Variants in ELAPOR2 observed in about 807,000 individuals in gnomAD.
The protein encoded by ELAPOR2 is endosome/lysosome-associated apoptosis and autophagy regulator family member 2.
In ELAPOR2, 89 loss-of-function variants were observed where a neutral mutation model predicts 120.7. The ratio of observed to expected loss-of-function variants is 0.74; its 90% CI spans 0.62 to 0.88. ELAPOR2 has a LOEUF of 0.88. Among genes scored for constraint, ELAPOR2 ranks in the 40% least tolerant of loss-of-function variants. ELAPOR2 has a pLI of 0.00. For missense variants in ELAPOR2, 1,134 were observed against 1,251.6 expected (o/e 0.91, Z 1.42); for synonymous variants, 444 against 444.9 (o/e 1.00, Z 0.03).
At chr7:86,967,732 T>C (rs747190418) in intron 1 of ELAPOR2, among the ~76,000 whole-genome samples, 16 of 152,184 alleles carry the variant, frequency 1.1e-4, no homozygotes, top group Non-Finnish European at 2.2e-4. Context: ...GGCTGTAATG[T>C]TGGATGTCAT....
rs1401034357 is a variant in ELAPOR2, at chr7:87,041,623, A to G, written c.189+17702T>C. Among the ~76,000 whole-genome samples the G allele has an allele frequency of 7.0e-3, 1,067 of 151,998 alleles. 11 individuals carry two copies. The highest frequency in any genetic ancestry group is 0.025 in the African/African-American group (1,025 of 41,280). ...GCTCCTGAAGGAAGCACTAAATATG[A>G]AAAGGAACAACTGGTACCAGCCGCT... On this transcript the variant is annotated intron_variant, in intron 1 of 21. Coordinates refer to ENST00000450689, the MANE Select transcript of ELAPOR2 (RefSeq NM_001142749.3).
intron 1 of ELAPOR2, among the ~76,000 whole-genome samples, chr7:87,018,972 G>A (rs554764041): frequency 3.9e-5 from 6 of 152,058 alleles, no homozygotes; most frequent in Non-Finnish European, 8.8e-5. Flanking sequence ...TCACCTAAGG[G>A]AGACTTGGAA....
chr7:86,888,059 T>C (rs1469681561), intron 21 of ELAPOR2, among the ~76,000 whole-genome samples: 1 of 152,032 alleles, frequency 6.6e-6, no homozygotes, highest in Non-Finnish European at 1.5e-5. Flanking sequence ...ATCTAGGAAA[T>C]TCAAATATAA....
chr7:86,911,649 G>C, intron 15 of ELAPOR2: 1 of 457,266 alleles, frequency 2.2e-6, no homozygotes, highest in Non-Finnish European at 4.4e-6. Flanking sequence ...GGCCCTGCAT[G>C]TCTCCTTTTT....
At chr7:86,903,563 ATAC>A (rs942391605) in intron 18 of ELAPOR2, among the ~76,000 whole-genome samples, 2 of 152,228 alleles carry the variant, frequency 1.3e-5, no homozygotes, top group African/African-American at 4.8e-5. Flanking sequence ...ACCAAAGAAA[ATAC>A]TACATTAGCA....
intron 1 of ELAPOR2, among the ~76,000 whole-genome samples, chr7:86,979,787 A>G (rs1792403051): frequency 6.6e-6 from 1 of 152,180 alleles, no homozygotes; most frequent in Non-Finnish European, 1.5e-5. Context: ...ACCCAATCTC[A>G]CAAACTGCCC....
intron 1 of ELAPOR2, among the ~76,000 whole-genome samples, chr7:87,039,923 C>T (rs146065871): frequency 4.0e-5 from 6 of 151,852 alleles, no homozygotes; most frequent in Admixed American, 6.6e-5. Flanking sequence ...GCACCGTGCA[C>T]GAGCCAAAGC....
intron 9 of ELAPOR2, 115 bp downstream of exon 9, chr7:86,926,621 A>C: frequency 9.2e-7 from 1 of 1,081,338 alleles, no homozygotes; most frequent in Non-Finnish European, 1.3e-6. Flanking sequence ...TTGTCTACTA[A>C]AACTAAAAGA....
chr7:86,952,366 G>A (rs73382398), intron 2 of ELAPOR2, among the ~76,000 whole-genome samples: 2,286 of 152,266 alleles, frequency 0.015, 63 homozygotes, highest in African/African-American at 0.051. Context: ...CTAGTTAACA[G>A]TTAACCAATG....
intron 12 of ELAPOR2, among the ~76,000 whole-genome samples, chr7:86,915,655 A>T (rs968821137): frequency 1.3e-5 from 2 of 150,390 alleles, no homozygotes; most frequent in African/African-American, 4.9e-5. Flanking sequence ...CTGATAGATC[A>T]CTTAGGAATT....
chr7:86,896,548 C>T (rs1788447507), intron 19 of ELAPOR2, among the ~76,000 whole-genome samples: 1 of 152,108 alleles, frequency 6.6e-6, no homozygotes, highest in Non-Finnish European at 1.5e-5. Context: ...ACTGCTTCCC[C>T]TCTCTGATTC....
intron 1 of ELAPOR2, among the ~76,000 whole-genome samples, chr7:87,012,890 C>G (rs796144284): frequency 3.4e-4 from 51 of 152,192 alleles, no homozygotes; most frequent in Middle Eastern, 3.4e-3. Flanking sequence ...ATTCTAAAAT[C>G]CAAGAAATTT....
chr7:86,890,883 T>C (rs1227981958), intron 21 of ELAPOR2, among the ~76,000 whole-genome samples: 1 of 152,076 alleles, frequency 6.6e-6, no homozygotes, highest in Non-Finnish European at 1.5e-5. Context: ...ATGGTTACTA[T>C]TACTCTTTAT....
chr7:86,977,183 GACC>G (rs1247982241), intron 1 of ELAPOR2, among the ~76,000 whole-genome samples: 3 of 152,056 alleles, frequency 2.0e-5, no homozygotes, highest in African/African-American at 7.3e-5. Flanking sequence ...TAGTGCTGTC[GACC>G]ACCTTGTAAG....
At chr7:86,980,505 C>CA (rs1490361387) in intron 1 of ELAPOR2, among the ~76,000 whole-genome samples, 1 of 152,200 alleles carries the variant, frequency 6.6e-6, no homozygotes, top group Non-Finnish European at 1.5e-5. Context: ...TCCCACTCTC[C>CA]TCATGACAAT....
At chr7:87,049,530 C>G (rs1010458778) in intron 1 of ELAPOR2, among the ~76,000 whole-genome samples, 1 of 152,170 alleles carries the variant, frequency 6.6e-6, no homozygotes, top group African/African-American at 2.4e-5. Context: ...GATCCGCCAG[C>G]CTCGGCCTCC....
intron 3 of ELAPOR2, among the ~76,000 whole-genome samples, chr7:86,946,754 C>T (rs866077734): frequency 1.4e-4 from 21 of 152,260 alleles, no homozygotes; most frequent in Middle Eastern, 6.8e-3. Flanking sequence ...TCCGCTTACT[C>T]GATTTCTTTT....
chr7:86,885,988 G>C lies in ELAPOR2; in HGVS notation c.3031-5458C>G, dbSNP rs148539437. Among the ~76,000 whole-genome samples the C allele has an allele frequency of 7.4e-4, 113 of 152,202 alleles. 1 individual carries two copies. The highest frequency in any genetic ancestry group is 2.5e-3 in the African/African-American group (103 of 41,540). On this transcript the variant is annotated intron_variant, in intron 21 of 21. Transcript: ENST00000450689. The stretch of plus-strand genomic sequence containing the variant: ...GCCATTTGCAACAAATGGTGAGTCA[G>C]GGTTTCACACAAGTTCCTTTACCTT...
At chr7:86,899,466 C>A (rs1788613679) in intron 18 of ELAPOR2, among the ~76,000 whole-genome samples, 1 of 152,044 alleles carries the variant, frequency 6.6e-6, no homozygotes, top group Non-Finnish European at 1.5e-5. Flanking sequence ...AGGATAGCCA[C>A]AAAATAGTAA....
Sources: allele counts gnomAD v4.1 joint callset (sites outside exome capture counted in the v4.1 genomes callset), GRCh38; gene constraint gnomAD v4.1.1; transcripts MANE v1.5; gene names NCBI Gene and HGNC (gene_info 2026-07-23, HGNC 2026-07-21).